ARHGAP39: variants seen among roughly 807,000 people sequenced by gnomAD.
ARHGAP39 encodes the protein Rho GTPase activating protein 39.
In ARHGAP39, 44 loss-of-function variants were observed where a neutral mutation model predicts 106.9. That is an observed-to-expected ratio of 0.41 (90% CI 0.32 to 0.53). The LOEUF is 0.53. Among genes scored for constraint, ARHGAP39 ranks in the 20% least tolerant of loss-of-function variants. The pLI is 0.21. For missense variants in ARHGAP39, 1,496 were observed against 1,577.3 expected, an observed-to-expected ratio of 0.95 and a Z score of 0.87; for synonymous variants, 768 against 693.2, an observed-to-expected ratio of 1.11 and a Z score of -1.69.
At chr8:144,629,754 G>T (rs1821015869) in intron 1 of ARHGAP39, among the ~76,000 whole-genome samples, 1 of 152,178 alleles carries the variant, frequency 6.6e-6, no homozygotes, top group Non-Finnish European at 1.5e-5. Context: ...GACTCGGGTG[G>T]GGCTGCGACA....
chr8:144,672,922 G>A (rs1822134693), intron 1 of ARHGAP39, among the ~76,000 whole-genome samples: 1 of 152,152 alleles, frequency 6.6e-6, no homozygotes, highest in Non-Finnish European at 1.5e-5. Context: ...CCTGAAATTT[G>A]ACGCTGATCA....
chr8:144,659,531 C>T (rs1208605259), intron 1 of ARHGAP39, among the ~76,000 whole-genome samples: 1 of 152,236 alleles, frequency 6.6e-6, no homozygotes, highest in African/African-American at 2.4e-5. Context: ...CACCAGCCCT[C>T]TGATCTAAGA....
At chr8:144,632,529 C>T (rs1436939388) in intron 1 of ARHGAP39, among the ~76,000 whole-genome samples, 1 of 152,250 alleles carries the variant, frequency 6.6e-6, no homozygotes, top group African/African-American at 2.4e-5. Flanking sequence ...GTACAGTGGG[C>T]TGCACCACAG....
chr8:144,601,680 A>C (rs571405256), intron 2 of ARHGAP39, among the ~76,000 whole-genome samples: 2 of 102,598 alleles, frequency 1.9e-5, no homozygotes, highest in African/African-American at 3.9e-5. Context: ...GTGCGAGCTC[A>C]TGTACCTGTG....
chr8:144,675,298 T>C (rs1339391566), intron 1 of ARHGAP39, among the ~76,000 whole-genome samples: 1 of 152,318 alleles, frequency 6.6e-6, no homozygotes, highest in East Asian at 1.9e-4. Context: ...AGTGGCATGA[T>C]CTCGGCTAAC....
At chr8:144,611,428 C>T (rs1440997125) in intron 1 of ARHGAP39, among the ~76,000 whole-genome samples, 1 of 152,214 alleles carries the variant, frequency 6.6e-6, no homozygotes, top group Non-Finnish European at 1.5e-5. Context: ...TTCTATCCAT[C>T]ACTGAGAAAC....
chr8:144,545,227 C>T (rs1391124565), intron 6 of ARHGAP39, 22 bp downstream of exon 6: 2 of 1,488,050 alleles, frequency 1.3e-6, no homozygotes, highest in South Asian at 2.8e-5. Flanking sequence ...GAGCTGGTGG[C>T]AAAGCCCGTG....
At chr8:144,632,351 G>A (rs953022710) in intron 1 of ARHGAP39, among the ~76,000 whole-genome samples, 5 of 152,158 alleles carry the variant, frequency 3.3e-5, no homozygotes, top group African/African-American at 1.2e-4. Flanking sequence ...CCCGTCACTT[G>A]TCCAGAGCCT....
intron 1 of ARHGAP39, among the ~76,000 whole-genome samples, chr8:144,606,705 C>A (rs1458387293): frequency 6.6e-6 from 1 of 152,022 alleles, no homozygotes; most frequent in African/African-American, 2.4e-5. Context: ...TGGTGGGGGT[C>A]AGTGCCCCTA....
chr8:144,599,988 C>T (rs914314902), intron 2 of ARHGAP39, among the ~76,000 whole-genome samples: 6 of 152,192 alleles, frequency 3.9e-5, no homozygotes, highest in East Asian at 1.9e-4. Context: ...GTGGGAGGGA[C>T]GGGACTGGGG....
intron 1 of ARHGAP39, among the ~76,000 whole-genome samples, chr8:144,642,767 C>T (rs929559727): frequency 5.3e-5 from 8 of 152,168 alleles, no homozygotes; most frequent in Non-Finnish European, 1.0e-4. Flanking sequence ...GGTGAGGCCT[C>T]CCCAACTGTG....
intron 2 of ARHGAP39, among the ~76,000 whole-genome samples, chr8:144,593,774 A>T (rs775997866): frequency 6.6e-6 from 1 of 151,276 alleles, no homozygotes; most frequent in Non-Finnish European, 1.5e-5. Context: ...TGCGCAACAG[A>T]GTGAGATCCT....
At chr8:144,567,639 C>T (rs1818447199) in intron 3 of ARHGAP39, among the ~76,000 whole-genome samples, 1 of 152,228 alleles carries the variant, frequency 6.6e-6, no homozygotes, top group African/African-American at 2.4e-5. Flanking sequence ...CCTAGTCCAC[C>T]TTCATGTTCC....
At chr8:144,668,656 A>G (rs748337920) in intron 1 of ARHGAP39, among the ~76,000 whole-genome samples, 1 of 152,242 alleles carries the variant, frequency 6.6e-6, no homozygotes, top group Non-Finnish European at 1.5e-5. Flanking sequence ...AAAGAAATTA[A>G]AGAAGTCCTA....
rs1454581511 is a variant in ARHGAP39, at chr8:144,591,660, G to T, written c.81-10383C>A. On this transcript the variant is annotated intron_variant, in intron 2 of 11. Transcript: ENST00000377307. This position sits in a 1 kb window ranked among gnomAD's most constrained non-coding sequence, Gnocchi z 5.3. ...GGGGTGGGGGAGCAGAGGCGAGGAA[G>T]GGCAAGGTTTTCGGCCTGAGCACCT... 6.6e-6 allele frequency among the ~76,000 whole-genome samples: 1 copy of T among 152,222 alleles called. No homozygotes were observed. Among genetic ancestry groups the T allele is most frequent in the Non-Finnish European group, 1.5e-5 (1 of 68,028 alleles).
At chr8:144,654,518 A>G (rs1821648926) in intron 1 of ARHGAP39, among the ~76,000 whole-genome samples, 1 of 152,108 alleles carries the variant, frequency 6.6e-6, no homozygotes, top group Non-Finnish European at 1.5e-5. Context: ...ACTTTTTCCA[A>G]ATTTGATGAA....
chr8:144,673,481 A>G (rs112119441), intron 1 of ARHGAP39, among the ~76,000 whole-genome samples: 1 of 152,212 alleles, frequency 6.6e-6, no homozygotes, highest in African/African-American at 2.4e-5. Flanking sequence ...TGCAACCTTC[A>G]CCACAGTCAA....
intron 3 of ARHGAP39, among the ~76,000 whole-genome samples, chr8:144,574,113 C>G (rs1818680978): frequency 7.6e-6 from 1 of 131,234 alleles, no homozygotes; most frequent in African/African-American, 3.0e-5. Flanking sequence ...GTGAAGGAAG[C>G]TGAGATTGCA....
At chr8:144,606,183 C>T (rs537135217) in intron 1 of ARHGAP39, among the ~76,000 whole-genome samples, 3 of 152,340 alleles carry the variant, frequency 2.0e-5, no homozygotes, top group Admixed American at 6.5e-5. Flanking sequence ...AGCACAAGGG[C>T]GCTCAGGAGC....
Sources: gnomAD v4.1 joint callset for allele counts (sites outside exome capture counted in the v4.1 genomes callset) on GRCh38, gnomAD v4.1.1 for gene constraint, Gnocchi (gnomAD v3.1) non-coding constraint, MANE v1.5 for transcripts, NCBI Gene and HGNC (gene_info 2026-07-23, HGNC 2026-07-21) for gene names.